Variants in GRM7 observed in about 807,000 individuals in gnomAD.
GRM7 encodes the protein glutamate metabotropic receptor 7.
A neutral mutation model predicts 84.5 loss-of-function variants in GRM7; 35 were observed. The observed-to-expected ratio is 0.41, with a 90% CI of 0.32 to 0.55. The LOEUF (loss-of-function observed/expected upper bound fraction) is 0.55. GRM7 is among the 20% of genes least tolerant of loss of function. The pLI is 0.19. For synonymous variants in GRM7, 487 were observed against 455.1 expected (o/e 1.07, Z -0.89); for missense variants, 1,003 against 1,194.6 (o/e 0.84, Z 2.36).
Position 7,486,539 on chromosome 3 carries a change from C to G in GRM7, c.1515+24817C>G, listed in dbSNP as rs1287819057. ...TTGCTTTCCTGGACTGGATTATTTG[C>G]CAGAAAAGTGGGGTGCTATACAGCA... is the stretch of plus-strand genomic sequence containing the variant. On this transcript the variant is annotated intron_variant, in intron 7 of 9. Transcript: ENST00000357716. This position sits in a 1 kb window ranked among gnomAD's most constrained non-coding sequence, Gnocchi z 5.5. 6.6e-6 allele frequency among the ~76,000 whole-genome samples: 1 copy of G among 151,974 alleles called. No individual in the cohort carries two copies. The highest frequency in any genetic ancestry group is 2.4e-5 in the African/African-American group (1 of 41,334).
intron 7 of GRM7, among the ~76,000 whole-genome samples, chr3:7,467,137 G>C (rs1698491914): frequency 6.6e-6 from 1 of 152,134 alleles, no homozygotes; most frequent in Non-Finnish European, 1.5e-5. Context: ...GCCCGGGCTG[G>C]AGTGCAGTGG....
chr3:7,738,313 G>A (rs908315818), intron 9 of GRM7, among the ~76,000 whole-genome samples: 2 of 152,062 alleles, frequency 1.3e-5, no homozygotes, highest in Non-Finnish European at 2.9e-5. Flanking sequence ...TCAACCATCA[G>A]GCAGCCTAGT....
intron 4 of GRM7, among the ~76,000 whole-genome samples, chr3:7,350,972 C>T (rs1271747448): frequency 6.6e-6 from 1 of 152,058 alleles, no homozygotes; most frequent in Non-Finnish European, 1.5e-5. Context: ...AATCTCCTTT[C>T]ATCATTGAAA....
chr3:7,111,520 C>A (rs955500408), intron 1 of GRM7, among the ~76,000 whole-genome samples: 1 of 152,100 alleles, frequency 6.6e-6, no homozygotes, highest in African/African-American at 2.4e-5. Context: ...GAACCCATTT[C>A]TAGCATGAGT....
chr3:7,537,743 A>T (rs1692632350), intron 7 of GRM7, among the ~76,000 whole-genome samples: 1 of 152,222 alleles, frequency 6.6e-6, no homozygotes, highest in Non-Finnish European at 1.5e-5. Flanking sequence ...CTGGCAGGGA[A>T]GGTGACCCAG....
At chr3:7,695,497 G>A (rs1037146154) in intron 9 of GRM7, among the ~76,000 whole-genome samples, 13 of 152,062 alleles carry the variant, frequency 8.5e-5, no homozygotes, top group Non-Finnish European at 1.9e-4. Flanking sequence ...CTTTCTATGC[G>A]TTTCTGCCCA....
intron 4 of GRM7, among the ~76,000 whole-genome samples, chr3:7,357,380 T>G (rs12487177): frequency 0.27 from 41,608 of 151,858 alleles, 6,285 homozygotes; most frequent in African/African-American, 0.41. Context: ...TACAATCACT[T>G]TTCCAAGAAT....
intron 1 of GRM7, among the ~76,000 whole-genome samples, chr3:7,055,394 C>G (rs920587775): frequency 6.6e-6 from 1 of 151,164 alleles, no homozygotes; most frequent in African/African-American, 2.4e-5. Flanking sequence ...GGTGGAGAAC[C>G]GTTTTGTTGG....
chr3:7,534,518 C>T (rs1429191815), intron 7 of GRM7, among the ~76,000 whole-genome samples: 1 of 152,158 alleles, frequency 6.6e-6, no homozygotes, highest in Non-Finnish European at 1.5e-5. Flanking sequence ...CTATGCTTTA[C>T]TACCTCATTT....
chr3:6,894,949 T>C (rs1696120854), intron 1 of GRM7, among the ~76,000 whole-genome samples: 1 of 152,326 alleles, frequency 6.6e-6, no homozygotes, highest in South Asian at 2.1e-4. Context: ...CAGTGCTCTT[T>C]GTTGGGACAT....
intron 6 of GRM7, among the ~76,000 whole-genome samples, chr3:7,456,603 C>G (rs1192386947): frequency 1.3e-5 from 2 of 151,792 alleles, no homozygotes; most frequent in Non-Finnish European, 2.9e-5. Context: ...CTTCAAGTTG[C>G]TGAGAGGAAG....
chr3:7,712,979 T>C (rs1701634168), intron 9 of GRM7, among the ~76,000 whole-genome samples: 1 of 152,022 alleles, frequency 6.6e-6, no homozygotes, highest in African/African-American at 2.4e-5. Context: ...GTGTCCAAGT[T>C]TTCTTCTTCT....
chr3:7,113,744 G>T (rs1378202383), intron 1 of GRM7, among the ~76,000 whole-genome samples: 1 of 152,010 alleles, frequency 6.6e-6, no homozygotes, highest in African/African-American at 2.4e-5. Flanking sequence ...ATGAAATATG[G>T]TATCTGTCTC....
intron 7 of GRM7, among the ~76,000 whole-genome samples, chr3:7,525,346 G>T (rs1464541559): frequency 6.6e-6 from 1 of 152,054 alleles, no homozygotes; most frequent in Non-Finnish European, 1.5e-5. Flanking sequence ...TTCCAGCCCA[G>T]GTGAACTGAA....
In GRM7 at chr3:7,347,630, A is replaced by G. The variant is rs527917779; in HGVS notation, c.1033+40978A>G. ...CAGTATCTCAGCATCTCAATACTCA[A>G]TTTTGTTCTAAGGCTTTCCCAAATT... On this transcript the variant is annotated intron_variant, in intron 4 of 9. Transcript: ENST00000357716. Among the ~76,000 whole-genome samples, 3 of 152,254 alleles carry G rather than the reference A, an allele frequency of 2.0e-5. No individual in the cohort carries two copies. In the East Asian group the frequency reaches 5.8e-4, roughly 29 times the overall value.
At chr3:7,288,657 T>C (rs1483603849) in intron 2 of GRM7, among the ~76,000 whole-genome samples, 1 of 152,128 alleles carries the variant, frequency 6.6e-6, no homozygotes, top group Non-Finnish European at 1.5e-5. Flanking sequence ...GCAGTTATTA[T>C]TGGGGAGAGA....
At chr3:6,922,884 A>G (rs1394778017) in intron 1 of GRM7, among the ~76,000 whole-genome samples, 2 of 152,232 alleles carry the variant, frequency 1.3e-5, no homozygotes, top group African/African-American at 4.8e-5. Context: ...TTAAATGGAT[A>G]AAGAATGTTG....
intron 7 of GRM7, chr3:7,519,849 T>G (rs747939): frequency 0.62 from 94,571 of 152,152 alleles, 30,355 homozygotes; most frequent in African/African-American, 0.79. Context: ...TAGAATCATT[T>G]GAAGCTTCAT....
chr3:7,410,658 A>AC (rs774708779), intron 4 of GRM7, among the ~76,000 whole-genome samples: 6 of 145,662 alleles, frequency 4.1e-5, no homozygotes, highest in South Asian at 2.2e-4. Flanking sequence ...CACCACCACC[A>AC]CACACACACA....
Sources: allele counts gnomAD v4.1 joint callset (sites outside exome capture counted in the v4.1 genomes callset), GRCh38; gene constraint gnomAD v4.1.1; non-coding constraint Gnocchi (gnomAD v3.1); transcripts MANE v1.5; gene names NCBI Gene and HGNC (gene_info 2026-07-23, HGNC 2026-07-21).